The following CDKN3 variants were observed in gnomAD, a reference collection of about 807,000 sequenced individuals.
CDKN3 encodes the protein cyclin-dependent kinase inhibitor 3.
In CDKN3, 19 loss-of-function variants were observed where a neutral mutation model predicts 36.1. That is an observed-to-expected ratio of 0.53 (90% CI 0.37 to 0.77). The LOEUF (loss-of-function observed/expected upper bound fraction) is 0.77. Ranked by LOEUF, CDKN3 falls within the 30% of genes least tolerant of loss-of-function variation. CDKN3 has a pLI of 0.00. For missense variants in CDKN3, 188 were observed against 248.6 expected (o/e 0.76, Z 1.64); for synonymous variants, 71 against 85.3 (o/e 0.83, Z 0.92).
At chr14:54,401,630 A>T in intron 3 of CDKN3, 51 bp downstream of exon 3, 1 of 1,252,984 alleles carries the variant, frequency 8.0e-7, no homozygotes, top group Non-Finnish European at 1.1e-6. Context: ...ATTTTTTAAT[A>T]TATTTTTATT....
Position 54,408,660 on chromosome 14 carries a change from A to G in CDKN3, c.149-85A>G, listed in dbSNP as rs1198227755. The G allele has an allele frequency of 3.7e-6, 5 of 1,357,942 alleles. No homozygotes were observed. The African/African-American group carries it at 7.6e-5, about 21-fold the overall frequency. The allele number at this position is 1,357,942 out of a possible 1,614,324, so 84.1% of individuals were successfully genotyped here. On this transcript the variant is annotated intron_variant, in intron 3 of 7. Transcript: ENST00000335183. Reference sequence around the variant, plus strand: ...ATAAATGATTACGTGAAATGACTTTATAAAGTAGCTATATAAGTGTTTAAA... The same window carrying G: ...ATAAATGATTACGTGAAATGACTTTGTAAAGTAGCTATATAAGTGTTTAAA...
At chr14:54,404,243 C>A (rs763837771) in intron 3 of CDKN3, among the ~76,000 whole-genome samples, 4 of 152,116 alleles carry the variant, frequency 2.6e-5, no homozygotes, top group Non-Finnish European at 5.9e-5. Context: ...ACGGATTCGA[C>A]TTCTTCCTGG....
intron 3 of CDKN3, among the ~76,000 whole-genome samples, chr14:54,402,390 G>A (rs1289574101): frequency 6.6e-6 from 1 of 151,742 alleles, no homozygotes; most frequent in East Asian, 1.9e-4. Context: ...ACTTTTTGAT[G>A]GGGATGTTTG....
chr14:54,414,204 CACAGGT>C (rs1566709704), intron 5 of CDKN3: 1 of 153,486 alleles, frequency 6.5e-6, no homozygotes, highest in Non-Finnish European at 1.4e-5. Context: ...AGGTCCCACT[CACAGGT>C]ACAGGATAAG....
At chr14:54,399,662 C>T (rs544466479) in intron 1 of CDKN3, among the ~76,000 whole-genome samples, 85 of 152,282 alleles carry the variant, frequency 5.6e-4, no homozygotes, top group African/African-American at 1.8e-3. Flanking sequence ...GATCAGAAGC[C>T]AGATTTCTTG....
intron 3 of CDKN3, among the ~76,000 whole-genome samples, chr14:54,404,778 G>A (rs957776657): frequency 4.6e-5 from 7 of 150,808 alleles, no homozygotes; most frequent in Non-Finnish European, 1.0e-4. Context: ...GGGTTTCACC[G>A]TGTTAGCCAG....
At position 54,420,126 on chromosome 14, in the gene CDKN3, C is replaced by G; in HGVS notation, c.*48C>G. On this transcript the variant is annotated 3_prime_UTR_variant, in exon 8 of 8. Coordinates refer to ENST00000335183, the MANE Select transcript of CDKN3 (RefSeq NM_005192.4). ...TGACCATGTCTGAAATGTCAGTTCTCTAGCATAATTTGTATTGAAATGAAA... is the reference window on the plus strand; with the variant it reads ...TGACCATGTCTGAAATGTCAGTTCTGTAGCATAATTTGTATTGAAATGAAA... 2.8e-6 allele frequency: 3 copies of G among 1,082,592 alleles called. No homozygotes were observed. Among genetic ancestry groups the G allele is most frequent in the Middle Eastern group, 2.1e-4 (1 of 4,744 alleles). 67.1% of individuals were successfully genotyped at this position (1,082,592 alleles called of 1,614,324 possible).
At chr14:54,398,087 C>T (rs1008253227) in intron 1 of CDKN3, among the ~76,000 whole-genome samples, 1 of 152,190 alleles carries the variant, frequency 6.6e-6, no homozygotes, top group African/African-American at 2.4e-5. Flanking sequence ...GCGGATATCA[C>T]GCCACTGCCC....
intron 3 of CDKN3, among the ~76,000 whole-genome samples, chr14:54,402,497 G>A (rs1196145776): frequency 1.3e-5 from 2 of 152,056 alleles, no homozygotes; most frequent in Non-Finnish European, 2.9e-5. Flanking sequence ...CATTCTGTAG[G>A]TTGCCTATTC....
chr14:54,418,364 A>T, intron 7 of CDKN3: 1 of 674,894 alleles, frequency 1.5e-6, no homozygotes, highest in South Asian at 1.6e-5. Flanking sequence ...TTGTTATATC[A>T]CCAAAACATT....
intron 5 of CDKN3, chr14:54,413,893 C>A (rs2030443067): frequency 1.6e-6 from 2 of 1,237,390 alleles, no homozygotes; most frequent in South Asian, 2.0e-5. Flanking sequence ...ACAGAAATTT[C>A]TTCTTTCCCA....
chr14:54,418,102 T>C (rs1414297591), intron 7 of CDKN3, 151 bp downstream of exon 7: 3 of 691,470 alleles, frequency 4.3e-6, no homozygotes, highest in South Asian at 1.6e-5. Flanking sequence ...CACTTGCTTA[T>C]GCTTTTAGTT....
chr14:54,397,045 G>A lies in CDKN3; in HGVS notation c.-24G>A. 6.7e-7 allele frequency: 1 copy of A among 1,495,956 alleles called. No individual in the cohort carries two copies. The highest frequency in any genetic ancestry group is 2.8e-5 in the East Asian group (1 of 36,350). 92.7% of individuals were successfully genotyped at this position (1,495,956 alleles called of 1,614,324 possible). On this transcript the variant is annotated 5_prime_UTR_variant, in exon 1 of 8. Coordinates refer to ENST00000335183, the MANE Select transcript of CDKN3 (RefSeq NM_005192.4). ...CGGCGCTGCAGAGGGAGGCGGCACT[G>A]GTCTCGACGTGGGGCGGCCAGCGAT...
intron 3 of CDKN3, among the ~76,000 whole-genome samples, chr14:54,407,393 C>G (rs1216615663): frequency 6.6e-6 from 1 of 152,250 alleles, no homozygotes; most frequent in Non-Finnish European, 1.5e-5. Flanking sequence ...ATCTGTTGCT[C>G]TCTTCGGAGC....
chr14:54,409,882 C>A (rs1032091737), intron 4 of CDKN3, among the ~76,000 whole-genome samples: 2 of 149,462 alleles, frequency 1.3e-5, no homozygotes, highest in Non-Finnish European at 3.0e-5. Context: ...CAGAGCAAGA[C>A]CCTGCCTCAA....
chr14:54,400,486 C>G (rs965933311), intron 2 of CDKN3, among the ~76,000 whole-genome samples: 3 of 152,092 alleles, frequency 2.0e-5, no homozygotes, highest in African/African-American at 7.2e-5. Context: ...AAGATAAAAG[C>G]CACATCAATG....
intron 3 of CDKN3, among the ~76,000 whole-genome samples, chr14:54,401,927 T>C (rs888978389): frequency 6.6e-6 from 1 of 152,110 alleles, no homozygotes; most frequent in African/African-American, 2.4e-5. Context: ...TAGTCTCCAG[T>C]GACCGGGTGC....
At chr14:54,406,116 T>A (rs901370813) in intron 3 of CDKN3, among the ~76,000 whole-genome samples, 1 of 152,252 alleles carries the variant, frequency 6.6e-6, no homozygotes, top group African/African-American at 2.4e-5. Flanking sequence ...TGGCTGGATA[T>A]GAAATTCTGG....
intron 1 of CDKN3, among the ~76,000 whole-genome samples, chr14:54,399,103 A>G (rs545857459): frequency 7.0e-6 from 1 of 143,558 alleles, no homozygotes; most frequent in South Asian, 2.1e-4. Context: ...CTCCTGCCTC[A>G]GCCTCCCGAG....
Sources: allele counts gnomAD v4.1 joint callset (sites outside exome capture counted in the v4.1 genomes callset), GRCh38; gene constraint gnomAD v4.1.1; transcripts MANE v1.5; gene names NCBI Gene and HGNC (gene_info 2026-07-23, HGNC 2026-07-21).